The following ACAP2 variants were observed in gnomAD, a reference collection of about 807,000 sequenced individuals.
ACAP2 encodes arf-GAP with coiled-coil, ANK repeat and PH domain-containing protein 2.
ACAP2 carries 39 observed loss-of-function variants against 115.8 expected under a neutral mutation model. That is an observed-to-expected ratio of 0.34 (90% CI 0.26 to 0.44). The LOEUF is 0.44. ACAP2 is among the 20% of genes least tolerant of loss of function. ACAP2 has a pLI of 1.00. For synonymous variants in ACAP2, 289 were observed against 315.8 expected (o/e 0.92, Z 0.90); for missense variants, 662 against 927.6 (o/e 0.71, Z 3.72).
chr3:195,305,710 T>G (rs1164984598), intron 13 of ACAP2, among the ~76,000 whole-genome samples: 1 of 152,104 alleles, frequency 6.6e-6, no homozygotes, highest in Non-Finnish European at 1.5e-5. Flanking sequence ...ATGCCCTTCG[T>G]CAATGTTCCC....
chr3:195,283,161 C>A (rs1011804004), intron 22 of ACAP2, among the ~76,000 whole-genome samples: 1 of 152,200 alleles, frequency 6.6e-6, no homozygotes, highest in Non-Finnish European at 1.5e-5. Flanking sequence ...AGAAGAGTCA[C>A]AGAGCCAGAG....
intron 1 of ACAP2, among the ~76,000 whole-genome samples, chr3:195,427,034 T>A (rs937641855): frequency 6.6e-6 from 1 of 151,908 alleles, no homozygotes; most frequent in African/African-American, 2.4e-5. Context: ...CATCTGACCT[T>A]GAGATTGGGA....
At chr3:195,347,660 T>C (rs143318360) in intron 4 of ACAP2, among the ~76,000 whole-genome samples, 1 of 152,306 alleles carries the variant, frequency 6.6e-6, no homozygotes, top group Non-Finnish European at 1.5e-5. Context: ...CAAAATTAAC[T>C]TAAACATACA....
At chr3:195,393,670 A>T (rs1389219108) in intron 1 of ACAP2, among the ~76,000 whole-genome samples, 1 of 152,170 alleles carries the variant, frequency 6.6e-6, no homozygotes, top group Admixed American at 6.6e-5. Context: ...CAGTCCCTTC[A>T]CCTACTCATC....
At chr3:195,322,273 A>G (rs976698988) in intron 9 of ACAP2, among the ~76,000 whole-genome samples, 2 of 152,144 alleles carry the variant, frequency 1.3e-5, no homozygotes, top group African/African-American at 2.4e-5. Context: ...TTCCTCCTGG[A>G]CCAATAATTA....
intron 18 of ACAP2, among the ~76,000 whole-genome samples, chr3:195,293,617 G>A (rs1441842086): frequency 6.6e-6 from 1 of 152,178 alleles, no homozygotes; most frequent in Non-Finnish European, 1.5e-5. Context: ...TGAGAGAGGT[G>A]GATCACTTGA....
intron 1 of ACAP2, among the ~76,000 whole-genome samples, chr3:195,437,684 A>C (rs997056752): frequency 2.0e-5 from 3 of 151,564 alleles, no homozygotes; most frequent in African/African-American, 7.3e-5. Flanking sequence ...GTGTGGTGGC[A>C]GGCGCCTGTA....
intron 2 of ACAP2, among the ~76,000 whole-genome samples, chr3:195,385,293 T>G (rs1252613717): frequency 1.3e-5 from 2 of 150,082 alleles, no homozygotes; most frequent in Middle Eastern, 3.5e-3. Flanking sequence ...TGGCACATGG[T>G]AATTATTCAA....
chr3:195,301,444 G>T, intron 15 of ACAP2, 131 bp downstream of exon 15: 1 of 724,620 alleles, frequency 1.4e-6, no homozygotes, highest in Non-Finnish European at 2.3e-6. Context: ...AATAGCCTCA[G>T]ATGTGTTTCA....
At chr3:195,287,142 C>T (rs139476197) in intron 21 of ACAP2, among the ~76,000 whole-genome samples, 54 of 152,230 alleles carry the variant, frequency 3.5e-4, no homozygotes, top group African/African-American at 1.2e-3. Flanking sequence ...GGGGGATAAG[C>T]AATTATGGGC....
At chr3:195,414,164 T>C (rs1299172656) in intron 1 of ACAP2, among the ~76,000 whole-genome samples, 2 of 152,126 alleles carry the variant, frequency 1.3e-5, no homozygotes, top group Non-Finnish European at 2.9e-5. Context: ...CAACACCAAA[T>C]ACTGGTGAGG....
intron 13 of ACAP2, among the ~76,000 whole-genome samples, chr3:195,303,001 G>A (rs1488421238): frequency 6.6e-6 from 1 of 152,010 alleles, no homozygotes; most frequent in East Asian, 1.9e-4. Flanking sequence ...ATCACTTTAG[G>A]CCAGGAGTTC....
chr3:195,371,906 G>A (rs1381943284), intron 4 of ACAP2, among the ~76,000 whole-genome samples: 1 of 152,122 alleles, frequency 6.6e-6, no homozygotes, highest in Admixed American at 6.6e-5. Context: ...TGATTCACCT[G>A]CCTCGGCCTC....
chr3:195,352,482 T>C (rs905732940), intron 4 of ACAP2, among the ~76,000 whole-genome samples: 2 of 152,242 alleles, frequency 1.3e-5, no homozygotes, highest in African/African-American at 4.8e-5. Context: ...AGTAAACATT[T>C]AAGCATAACA....
At chr3:195,292,754 T>C (rs1437553435) in intron 18 of ACAP2, among the ~76,000 whole-genome samples, 1 of 151,762 alleles carries the variant, frequency 6.6e-6, no homozygotes, top group Non-Finnish European at 1.5e-5. Flanking sequence ...AAACCTCGTC[T>C]TTACTAAAAA....
intron 1 of ACAP2, among the ~76,000 whole-genome samples, chr3:195,409,617 T>C (rs561235908): frequency 1.1e-3 from 167 of 152,252 alleles, no homozygotes; most frequent in African/African-American, 3.9e-3. Context: ...GGCTCACGCC[T>C]GTAATCTCAG....
At chr3:195,439,124 T>G (rs1484119862) in intron 1 of ACAP2, among the ~76,000 whole-genome samples, 1 of 149,386 alleles carries the variant, frequency 6.7e-6, no homozygotes, top group Non-Finnish European at 1.5e-5. Flanking sequence ...GGATGGTGTA[T>G]GATAGACATT....
rs373360981 is a variant in ACAP2, at chr3:195,301,914, T to C, written c.1325+52A>G. 484 of 1,575,548 alleles carry C rather than the reference T, an allele frequency of 3.1e-4. 1 individual carries two copies. Among genetic ancestry groups the C allele is most frequent in the South Asian group, 1.6e-3 (141 of 87,662 alleles). ...AACTAACAAGTGAAACAACCATTTC[T>C]ATCTGTGTTTATCCAAAAGAAGAAA... is the stretch of plus-strand genomic sequence containing the variant. On this transcript the variant is annotated intron_variant, in intron 14 of 22. Transcript: ENST00000326793.
intron 22 of ACAP2, among the ~76,000 whole-genome samples, chr3:195,284,616 C>T (rs994847114): frequency 5.9e-5 from 9 of 152,130 alleles, no homozygotes; most frequent in Non-Finnish European, 1.3e-4. Flanking sequence ...GAGGAAAGAA[C>T]GGCCTCACAT....
Sources: gnomAD v4.1 joint callset for allele counts (sites outside exome capture counted in the v4.1 genomes callset) on GRCh38, gnomAD v4.1.1 for gene constraint, MANE v1.5 for transcripts, NCBI Gene and HGNC (gene_info 2026-07-23, HGNC 2026-07-21) for gene names.